RAI14: variants seen among roughly 807,000 people sequenced by gnomAD.
RAI14 encodes retinoic acid induced 14, also known as ankycorbin.
Under a neutral mutation model 115.4 loss-of-function variants are expected in RAI14, and 45 were observed. That is an observed-to-expected ratio of 0.39 (90% CI 0.31 to 0.50). RAI14 has a LOEUF of 0.50. Among genes scored for constraint, RAI14 ranks in the 20% least tolerant of loss-of-function variants. The pLI, the probability that RAI14 is intolerant of heterozygous loss-of-function variation, is 0.85. For missense variants in RAI14, 939 were observed against 1,131.2 expected, an observed-to-expected ratio of 0.83 and a Z score of 2.44; for synonymous variants, 371 against 415.4, an observed-to-expected ratio of 0.89 and a Z score of 1.30.
At chr5:34,829,896 T>A (rs1757852467) in intron 17 of RAI14, 99 bp downstream of exon 17, 1 of 1,017,948 alleles carries the variant, frequency 9.8e-7, no homozygotes, top group East Asian at 2.6e-5. Flanking sequence ...TGAACAAGAA[T>A]TAGAGGAGAA....
intron 1 of RAI14, among the ~76,000 whole-genome samples, chr5:34,678,099 G>C (rs945897000): frequency 8.1e-6 from 1 of 123,636 alleles, no homozygotes; most frequent in Non-Finnish European, 1.9e-5. Context: ...ATTTTGTTTT[G>C]TTTTGTTTTT....
chr5:34,746,096 C>CA (rs1472423980), intron 2 of RAI14, among the ~76,000 whole-genome samples: 4 of 132,000 alleles, frequency 3.0e-5, no homozygotes, highest in African/African-American at 9.0e-5. Context: ...CCCCCTCCCC[C>CA]CCCCGCCTTT....
intron 2 of RAI14, among the ~76,000 whole-genome samples, chr5:34,731,502 C>A (rs369298817): frequency 9.9e-5 from 15 of 152,210 alleles, no homozygotes; most frequent in African/African-American, 3.6e-4. Context: ...GAGAAAATGG[C>A]CTTGGGACTT....
intron 2 of RAI14, among the ~76,000 whole-genome samples, chr5:34,742,471 G>T (rs1310972280): frequency 6.6e-6 from 1 of 152,144 alleles, no homozygotes; most frequent in Non-Finnish European, 1.5e-5. Flanking sequence ...TGATTCTAAT[G>T]TGCAGCCTTG....
intron 1 of RAI14, chr5:34,686,367 A>T (rs1744875713): frequency 6.6e-6 from 1 of 151,476 alleles, no homozygotes; most frequent in East Asian, 2.0e-4. Flanking sequence ...GGGGAGGTGG[A>T]TGGGGAGATG....
chr5:34,759,859 C>T (rs1005480592), intron 3 of RAI14, among the ~76,000 whole-genome samples: 4 of 152,144 alleles, frequency 2.6e-5, no homozygotes, highest in African/African-American at 7.2e-5. Flanking sequence ...GGGAATGGCA[C>T]CTTCAGCTGT....
At chr5:34,749,715 T>G (rs1746745195) in intron 2 of RAI14, among the ~76,000 whole-genome samples, 1 of 152,210 alleles carries the variant, frequency 6.6e-6, no homozygotes, top group Non-Finnish European at 1.5e-5. Context: ...GAGCCCATAT[T>G]GAGGGTAAGG....
At chr5:34,789,210 C>T (rs954724834) in intron 3 of RAI14, among the ~76,000 whole-genome samples, 46 of 152,130 alleles carry the variant, frequency 3.0e-4, no homozygotes, top group Non-Finnish European at 1.9e-4. Flanking sequence ...CTAGATAGAG[C>T]GGCCCCAGCC....
intron 2 of RAI14, among the ~76,000 whole-genome samples, chr5:34,720,159 G>A (rs1192076672): frequency 1.3e-5 from 2 of 152,084 alleles, no homozygotes; most frequent in Non-Finnish European, 2.9e-5. Flanking sequence ...ATTTGCAAGT[G>A]AGATATACTT....
At chr5:34,701,564 G>C (rs1390124103) in intron 2 of RAI14, among the ~76,000 whole-genome samples, 2 of 152,138 alleles carry the variant, frequency 1.3e-5, no homozygotes, top group Non-Finnish European at 2.9e-5. Flanking sequence ...TTGTCAACCA[G>C]AAAATGTTTA....
Position 34,821,720 on chromosome 5 carries a change from C to T in RAI14, c.995-12C>T, listed in dbSNP as rs10461947. On this transcript the variant is annotated splice_polypyrimidine_tract_variant and intron_variant, in intron 13 of 17. Coordinates refer to ENST00000265109, the MANE Select transcript of RAI14 (RefSeq NM_015577.3). Reference sequence around the variant, plus strand: ...ATTGTTTTATATTTTAAATGGCTTTCTCTTTCCCAAGGTGCTGATAGCTTA... The same window carrying T: ...ATTGTTTTATATTTTAAATGGCTTTTTCTTTCCCAAGGTGCTGATAGCTTA... 544,914 of 1,450,138 alleles carry T rather than the reference C, an allele frequency of 0.38. 106,117 individuals are homozygous for T. Among genetic ancestry groups the T allele is most frequent in the Admixed American group, 0.51 (30,187 of 59,024 alleles). 89.8% of individuals were successfully genotyped at this position (1,450,138 alleles called of 1,614,324 possible). A position where few individuals can be genotyped will look rare whatever the true frequency, so the allele number is the denominator to read the frequency against.
chr5:34,810,316 A>C (rs1308823749), intron 7 of RAI14, among the ~76,000 whole-genome samples: 2 of 152,174 alleles, frequency 1.3e-5, no homozygotes, highest in African/African-American at 4.8e-5. Flanking sequence ...ACTTATGTAT[A>C]TTCTTCTAGT....
In RAI14 at chr5:34,752,741, G is replaced by GTATATA. The variant is rs1328513453; in HGVS notation, c.37-4726_37-4725insATATAT. ...TGTGTGTGTGTGTGTGTGTGTGTGTGTGTGTGTGTATATATATATATATAT... is the reference window on the plus strand; with the variant it reads ...TGTGTGTGTGTGTGTGTGTGTGTGTGTATATATGTGTGTGTATATATATATATATAT... On this transcript the variant is annotated intron_variant, in intron 2 of 17. Transcript: ENST00000265109. Among the ~76,000 whole-genome samples, 47 of 99,518 alleles carry GTATATA rather than the reference G, an allele frequency of 4.7e-4. No homozygotes were observed. The East Asian group carries it at 6.0e-3, about 13-fold the overall frequency. 65.3% of individuals were successfully genotyped at this position (99,518 alleles called of 152,430 possible).
intron 3 of RAI14, among the ~76,000 whole-genome samples, chr5:34,786,764 G>A (rs532179833): frequency 5.3e-5 from 8 of 152,260 alleles, no homozygotes; most frequent in South Asian, 2.1e-4. Flanking sequence ...CAGCTCGGTC[G>A]TGGAGACCCT....
chr5:34,742,916 C>T (rs1745703530), intron 2 of RAI14, among the ~76,000 whole-genome samples: 1 of 152,198 alleles, frequency 6.6e-6, no homozygotes. Flanking sequence ...CCCGCCTTGG[C>T]CTCCCAAAGT....
intron 2 of RAI14, among the ~76,000 whole-genome samples, chr5:34,717,463 T>C (rs776969383): frequency 1.5e-3 from 232 of 152,350 alleles, no homozygotes; most frequent in Non-Finnish European, 2.4e-3. Context: ...CATTAGGATG[T>C]TGTAATTCCC....
chr5:34,694,918 T>TATGTATGG (rs1272539034), intron 2 of RAI14, among the ~76,000 whole-genome samples: 2 of 152,032 alleles, frequency 1.3e-5, no homozygotes, highest in African/African-American at 4.8e-5. Flanking sequence ...TATGTGTGTG[T>TATGTATGG]GACAGAGTCT....
intron 2 of RAI14, among the ~76,000 whole-genome samples, chr5:34,713,036 G>T (rs774800781): frequency 1.4e-4 from 21 of 152,050 alleles, no homozygotes; most frequent in Non-Finnish European, 3.1e-4. Flanking sequence ...CTTGAATTCT[G>T]AAAACAAACA....
At position 34,796,861 on chromosome 5, in the gene RAI14, A is replaced by AAT. The variant is rs554324808; in HGVS notation, c.256+842_256+843dup. Among the ~76,000 whole-genome samples the AAT allele has an allele frequency of 1.1e-4, 16 of 152,080 alleles. No individual in the cohort carries two copies. In the South Asian group the frequency reaches 1.5e-3, roughly 14 times the overall value. ...ACACACACACATACACACACACACA[A>AAT]ATATATATACCTACACTTTACCCTC... On this transcript the variant is annotated intron_variant, in intron 4 of 17. Transcript: ENST00000265109.
Sources: gnomAD v4.1 joint callset for allele counts (sites outside exome capture counted in the v4.1 genomes callset) on GRCh38, gnomAD v4.1.1 for gene constraint, MANE v1.5 for transcripts, NCBI Gene and HGNC (gene_info 2026-07-23, HGNC 2026-07-21) for gene names.